SH3GL2: variants seen among roughly 807,000 people sequenced by gnomAD.
SH3GL2 encodes the protein endophilin-A1.
In SH3GL2, 24 loss-of-function variants were observed where a neutral mutation model predicts 46.0. The observed-to-expected ratio is 0.52, with a 90% confidence interval of 0.38 to 0.73. The LOEUF (loss-of-function observed/expected upper bound fraction) is 0.73. Ranked by LOEUF, SH3GL2 falls within the 30% of genes least tolerant of loss-of-function variation. The probability of loss-of-function intolerance (pLI) is 0.00; values close to 1 mark genes in which losing one functional copy is unlikely to be tolerated. For missense variants in SH3GL2, 413 were observed against 424.2 expected, an observed-to-expected ratio of 0.97 and a Z score of 0.23; for synonymous variants, 196 against 147.1, an observed-to-expected ratio of 1.33 and a Z score of -2.40.
chr9:17,580,641 T>C (rs1818260392), intron 1 of SH3GL2, among the ~76,000 whole-genome samples: 1 of 152,216 alleles, frequency 6.6e-6, no homozygotes, highest in Non-Finnish European at 1.5e-5. Context: ...CTGCCAGACA[T>C]GTTTATGAAA....
At chr9:17,621,869 G>C (rs1588180107) in intron 1 of SH3GL2, among the ~76,000 whole-genome samples, 2 of 152,176 alleles carry the variant, frequency 1.3e-5, no homozygotes, top group South Asian at 4.1e-4. Flanking sequence ...TATGCCATAA[G>C]TGCCGCAGTT....
rs149989947 is a variant in SH3GL2 at position 17,788,702 on chromosome 9, T to G, written c.466-690T>G. Among the ~76,000 whole-genome samples the G allele has an allele frequency of 5.0e-3, 759 of 152,238 alleles. 8 individuals carry two copies. Among genetic ancestry groups the G allele is most frequent in the African/African-American group, 0.017 (708 of 41,552 alleles). ...GCATGGAGCATTAGATATAATCCCT[T>G]GGTAGGTCCCTTCCAAGTGAGATTT... On this transcript the variant is annotated intron_variant, in intron 5 of 8. Coordinates refer to ENST00000380607, the MANE Select transcript of SH3GL2 (RefSeq NM_003026.5).
intron 1 of SH3GL2, among the ~76,000 whole-genome samples, chr9:17,616,852 T>C (rs1424164755): frequency 1.3e-5 from 2 of 152,220 alleles, no homozygotes; most frequent in African/African-American, 4.8e-5. Flanking sequence ...GTTACTTTTA[T>C]TTCTGAATAG....
chr9:17,677,763 A>T (rs937728751), intron 1 of SH3GL2, among the ~76,000 whole-genome samples: 5 of 151,872 alleles, frequency 3.3e-5, no homozygotes, highest in South Asian at 2.1e-4. Flanking sequence ...ATATCTCCTA[A>T]TGCTATCCCT....
intron 1 of SH3GL2, among the ~76,000 whole-genome samples, chr9:17,707,178 C>A (rs140483233): frequency 3.9e-5 from 6 of 151,930 alleles, no homozygotes; most frequent in African/African-American, 1.4e-4. Flanking sequence ...TGGGCAAGAC[C>A]CTTGACTCTC....
intron 1 of SH3GL2, among the ~76,000 whole-genome samples, chr9:17,667,481 A>G (rs947856922): frequency 2.0e-5 from 3 of 152,158 alleles, no homozygotes; most frequent in African/African-American, 7.2e-5. Flanking sequence ...TTCAACATAT[A>G]TGAATATGTT....
At chr9:17,626,151 G>A (rs1235821196) in intron 1 of SH3GL2, among the ~76,000 whole-genome samples, 13 of 152,212 alleles carry the variant, frequency 8.5e-5, no homozygotes, top group Admixed American at 8.5e-4. Flanking sequence ...GCCTGTGGGA[G>A]CCCATGTTTG....
intron 1 of SH3GL2, among the ~76,000 whole-genome samples, chr9:17,677,209 G>A (rs1289167261): frequency 6.6e-6 from 1 of 152,088 alleles, no homozygotes; most frequent in Non-Finnish European, 1.5e-5. Context: ...TGTACCCATT[G>A]AAGCAAACGT....
chr9:17,765,439 T>C (rs1476665277), intron 3 of SH3GL2, among the ~76,000 whole-genome samples: 1 of 152,234 alleles, frequency 6.6e-6, no homozygotes, highest in East Asian at 1.9e-4. Context: ...AGTGATTTTG[T>C]TTAGCTTTTA....
intron 2 of SH3GL2, among the ~76,000 whole-genome samples, chr9:17,757,535 A>G (rs1283094622): frequency 1.3e-5 from 2 of 152,212 alleles, no homozygotes; most frequent in Admixed American, 6.5e-5. Flanking sequence ...GCCTTCCCTA[A>G]TGGCTCCTCA....
At chr9:17,605,911 G>A (rs1818751807) in intron 1 of SH3GL2, among the ~76,000 whole-genome samples, 1 of 152,108 alleles carries the variant, frequency 6.6e-6, no homozygotes, top group Non-Finnish European at 1.5e-5. Context: ...TGGGGCCCAG[G>A]CAGTAACTGA....
chr9:17,642,794 G>A (rs947788355), intron 1 of SH3GL2, among the ~76,000 whole-genome samples: 31 of 152,088 alleles, frequency 2.0e-4, no homozygotes, highest in African/African-American at 7.5e-4. Flanking sequence ...GATACCTCCA[G>A]CTTTGTTGTT....
intron 1 of SH3GL2, among the ~76,000 whole-genome samples, chr9:17,710,598 C>T (rs1031221795): frequency 2.0e-5 from 3 of 151,982 alleles, no homozygotes; most frequent in Non-Finnish European, 4.4e-5. Flanking sequence ...GATATTTGTA[C>T]ATCCATGTTC....
intron 1 of SH3GL2, among the ~76,000 whole-genome samples, chr9:17,703,900 C>G (rs754699262): frequency 6.6e-6 from 1 of 152,036 alleles, no homozygotes; most frequent in Non-Finnish European, 1.5e-5. Context: ...CAAGGATGCC[C>G]TCTTTCACCA....
chr9:17,586,952 A>G (rs1344800627), intron 1 of SH3GL2, among the ~76,000 whole-genome samples: 2 of 152,216 alleles, frequency 1.3e-5, no homozygotes, highest in African/African-American at 4.8e-5. Flanking sequence ...CATGCCTGCA[A>G]TCCCAGCACT....
At chr9:17,755,640 G>A (rs763840887) in intron 2 of SH3GL2, 2 of 190,578 alleles carry the variant, frequency 1.0e-5, no homozygotes, top group Non-Finnish European at 1.9e-5. Context: ...AACTCACAAA[G>A]TGTTGGTGCT....
chr9:17,639,949 A>G (rs185071879), intron 1 of SH3GL2, among the ~76,000 whole-genome samples: 97 of 152,298 alleles, frequency 6.4e-4, no homozygotes, highest in African/African-American at 2.2e-3. Flanking sequence ...TATAAAGCAG[A>G]TTAGTGATTG....
chr9:17,691,734 C>T (rs888526733), intron 1 of SH3GL2, among the ~76,000 whole-genome samples: 11 of 152,100 alleles, frequency 7.2e-5, no homozygotes, highest in African/African-American at 2.4e-4. Context: ...CTAATTTGTA[C>T]TATTCACTAA....
chr9:17,734,693 A>G (rs754958349), intron 1 of SH3GL2, among the ~76,000 whole-genome samples: 9 of 152,136 alleles, frequency 5.9e-5, no homozygotes, highest in Non-Finnish European at 8.8e-5. Context: ...GAAACAAGCC[A>G]GAGACAAAAC....
Sources: gnomAD v4.1 joint callset for allele counts (sites outside exome capture counted in the v4.1 genomes callset) on GRCh38, gnomAD v4.1.1 for gene constraint, MANE v1.5 for transcripts, NCBI Gene and HGNC (gene_info 2026-07-23, HGNC 2026-07-21) for gene names.